The following KCNB2 variants were observed in gnomAD, a reference collection of about 807,000 sequenced individuals.
KCNB2 encodes delayed rectifier potassium channel protein.
A neutral mutation model predicts 61.5 loss-of-function variants in KCNB2; 15 were observed. The observed-to-expected ratio is 0.24, with a 90% CI of 0.16 to 0.38. The LOEUF (loss-of-function observed/expected upper bound fraction) is 0.38. Ranked by LOEUF, KCNB2 falls within the 10% of genes least tolerant of loss-of-function variation. KCNB2 has a pLI of 1.00. For missense variants in KCNB2, 828 were observed against 1,125.2 expected (o/e 0.74, Z 3.78); for synonymous variants, 457 against 446.0 (o/e 1.02, Z -0.31).
chr8:72,778,173 T>C (rs1242245590), intron 2 of KCNB2, among the ~76,000 whole-genome samples: 1 of 152,234 alleles, frequency 6.6e-6, no homozygotes, highest in African/African-American at 2.4e-5. Flanking sequence ...TTATAATTAA[T>C]ACTCTCTCCT....
At chr8:72,630,647 C>T (rs1178519627) in intron 2 of KCNB2, among the ~76,000 whole-genome samples, 1 of 152,178 alleles carries the variant, frequency 6.6e-6, no homozygotes, top group Non-Finnish European at 1.5e-5. Flanking sequence ...TCTTCAGCAT[C>T]AGACTTGACC....
intron 2 of KCNB2, among the ~76,000 whole-genome samples, chr8:72,635,233 C>T (rs1388806422): frequency 6.6e-6 from 1 of 152,118 alleles, no homozygotes; most frequent in African/African-American, 2.4e-5. Context: ...CCCCTTTTTG[C>T]AGTCGGCTGC....
chr8:72,739,551 T>C (rs1470935732), intron 2 of KCNB2, among the ~76,000 whole-genome samples: 1 of 150,766 alleles, frequency 6.6e-6, no homozygotes, highest in Non-Finnish European at 1.5e-5. Context: ...CAAAAGCGAG[T>C]GGAAGTGCAT....
chr8:72,598,834 A>G (rs1807241721), intron 2 of KCNB2, among the ~76,000 whole-genome samples: 1 of 152,148 alleles, frequency 6.6e-6, no homozygotes. Flanking sequence ...TCATGAGTGA[A>G]CTCCCATTCA....
chr8:72,717,834 G>C (rs972409678), intron 2 of KCNB2, among the ~76,000 whole-genome samples: 9 of 152,202 alleles, frequency 5.9e-5, no homozygotes, highest in Admixed American at 5.9e-4. Flanking sequence ...AAACTGAAGA[G>C]TTTCTGCACA....
chr8:72,698,899 A>G (rs1023032534), intron 2 of KCNB2, among the ~76,000 whole-genome samples: 4 of 152,164 alleles, frequency 2.6e-5, no homozygotes, highest in Non-Finnish European at 5.9e-5. Flanking sequence ...AAGACCGCAA[A>G]CTATAAGAAT....
chr8:72,824,786 G>A (rs1400459222), intron 2 of KCNB2, among the ~76,000 whole-genome samples: 1 of 152,132 alleles, frequency 6.6e-6, no homozygotes, highest in African/African-American at 2.4e-5. Flanking sequence ...CCTCTGGGAA[G>A]AGAGAGAGTG....
At chr8:72,710,561 C>T (rs1480247654) in intron 2 of KCNB2, among the ~76,000 whole-genome samples, 2 of 152,048 alleles carry the variant, frequency 1.3e-5, no homozygotes, top group Non-Finnish European at 2.9e-5. Flanking sequence ...GAAGAGCAAG[C>T]AGGCCCATGT....
chr8:72,628,843 T>G (rs1468120539), intron 2 of KCNB2, among the ~76,000 whole-genome samples: 1 of 152,248 alleles, frequency 6.6e-6, no homozygotes, highest in Non-Finnish European at 1.5e-5. Flanking sequence ...CTGGTGACCA[T>G]GCCAGCTCTC....
intron 2 of KCNB2, among the ~76,000 whole-genome samples, chr8:72,656,637 G>A (rs1175649797): frequency 6.6e-6 from 1 of 152,116 alleles, no homozygotes; most frequent in African/African-American, 2.4e-5. Context: ...GAGAATCTTA[G>A]GTTTTCACAA....
chr8:72,829,008 T>C (rs1809645400), intron 2 of KCNB2, among the ~76,000 whole-genome samples: 1 of 152,172 alleles, frequency 6.6e-6, no homozygotes, highest in African/African-American at 2.4e-5. Flanking sequence ...AACTTGGAGG[T>C]GCTTTTTGGA....
intron 2 of KCNB2, among the ~76,000 whole-genome samples, chr8:72,907,093 G>A (rs749348384): frequency 3.3e-5 from 5 of 152,078 alleles, no homozygotes; most frequent in African/African-American, 7.2e-5. Flanking sequence ...GCACGTTGGC[G>A]CACACCTGTA....
At chr8:72,816,509 A>G (rs2129000773) in intron 2 of KCNB2, among the ~76,000 whole-genome samples, 1 of 152,352 alleles carries the variant, frequency 6.6e-6, no homozygotes, top group Admixed American at 6.5e-5. Context: ...TATGCACAAA[A>G]TACAGCAATT....
At chr8:72,907,472 CAAA>C (rs1345352619) in intron 2 of KCNB2, among the ~76,000 whole-genome samples, 3 of 152,196 alleles carry the variant, frequency 2.0e-5, no homozygotes, top group South Asian at 2.1e-4. Context: ...GTACACTATG[CAAA>C]GAAGAAGATG....
chr8:72,666,673 A>G (rs1585817012), intron 2 of KCNB2, among the ~76,000 whole-genome samples: 1 of 145,416 alleles, frequency 6.9e-6, no homozygotes, highest in African/African-American at 2.6e-5. Flanking sequence ...TTTTTTTGAG[A>G]CAGAGTCTTG....
intron 2 of KCNB2, among the ~76,000 whole-genome samples, chr8:72,733,197 G>T (rs1371906783): frequency 2.0e-5 from 3 of 152,120 alleles, no homozygotes; most frequent in Admixed American, 2.0e-4. Context: ...TAAGCTATGT[G>T]TTCACATAGT....
At chr8:72,822,078 T>C (rs1396299374) in intron 2 of KCNB2, among the ~76,000 whole-genome samples, 1 of 152,202 alleles carries the variant, frequency 6.6e-6, no homozygotes, top group Non-Finnish European at 1.5e-5. Context: ...TCCAATCCAT[T>C]TGCTAATCTG....
In KCNB2 at chr8:72,644,229, C is replaced by T. The variant is rs73305872; in HGVS notation, c.579+75916C>T. Among the ~76,000 whole-genome samples the T allele has an allele frequency of 1.0e-3, 155 of 151,958 alleles. 1 individual carries two copies. The highest frequency in any genetic ancestry group is 3.6e-3 in the African/African-American group (150 of 41,396). On this transcript the variant is annotated intron_variant, in intron 2 of 2. Coordinates refer to ENST00000523207, the MANE Select transcript of KCNB2 (RefSeq NM_004770.3). The stretch of plus-strand genomic sequence containing the variant: ...TATAACTATGCCAACCACATTAAAC[C>T]CTGATTTTAAAAAGTTCACCCCCCC...
At chr8:72,764,627 A>C (rs776821697) in intron 2 of KCNB2, among the ~76,000 whole-genome samples, 1 of 152,314 alleles carries the variant, frequency 6.6e-6, no homozygotes, top group Non-Finnish European at 1.5e-5. Context: ...ACAGTGAGTA[A>C]GGCCCCTTGT....
Sources: gnomAD v4.1 joint callset for allele counts (sites outside exome capture counted in the v4.1 genomes callset) on GRCh38, gnomAD v4.1.1 for gene constraint, MANE v1.5 for transcripts, NCBI Gene and HGNC (gene_info 2026-07-23, HGNC 2026-07-21) for gene names.